The following SEMA4F variants were observed in gnomAD, a reference collection of about 807,000 sequenced individuals.
SEMA4F encodes the protein ssemaphorin 4F.
In SEMA4F, 51 loss-of-function variants were observed where a neutral mutation model predicts 78.4. The observed-to-expected ratio is 0.65, with a 90% CI of 0.52 to 0.82. The LOEUF is 0.82. Among genes scored for constraint, SEMA4F ranks in the 40% least tolerant of loss-of-function variants. The pLI, the probability that SEMA4F is intolerant of heterozygous loss-of-function variation, is 0.00. For missense variants in SEMA4F, 938 were observed against 1,014.4 expected (o/e 0.92, Z 1.02); for synonymous variants, 418 against 408.7 (o/e 1.02, Z -0.27).
At chr2:74,702,478 G>A in the SEMA4F span, among the ~76,000 whole-genome samples, 1 of 152,122 alleles carries the variant, frequency 6.6e-6, no homozygotes, top group East Asian at 1.9e-4. Flanking sequence ...TAGTTCTTTT[G>A]TTAGTATGGA....
At chr2:74,659,985 T>C (rs1352831607) in intron 4 of SEMA4F, among the ~76,000 whole-genome samples, 4 of 152,204 alleles carry the variant, frequency 2.6e-5, no homozygotes, top group Non-Finnish European at 5.9e-5. Context: ...AATATCCTAA[T>C]TTGTTTTGTT....
the SEMA4F span, among the ~76,000 whole-genome samples, chr2:74,692,644 T>TAG: frequency 6.6e-6 from 1 of 152,164 alleles, no homozygotes; most frequent in Admixed American, 6.5e-5. Context: ...AGGATAGGGC[T>TAG]AGGACTGGGT....
intron 4 of SEMA4F, among the ~76,000 whole-genome samples, chr2:74,661,240 C>A (rs1684408514): frequency 6.6e-6 from 1 of 152,158 alleles, no homozygotes; most frequent in Non-Finnish European, 1.5e-5. Context: ...AACAGGTGAT[C>A]TGGTTTGGAT....
chr2:74,672,574 C>T (rs537567423), intron 5 of SEMA4F, among the ~76,000 whole-genome samples: 105 of 152,182 alleles, frequency 6.9e-4, no homozygotes, highest in Non-Finnish European at 1.1e-3. Flanking sequence ...TGGTACTACT[C>T]TCTGATTCAT....
In SEMA4F at chr2:74,657,480, T is replaced by C. The variant is rs902213175; in HGVS notation, c.298-85T>C. 4 of 1,325,222 alleles carry C rather than the reference T, an allele frequency of 3.0e-6. No homozygotes were observed. The Admixed American group carries it at 6.8e-5, about 23-fold the overall frequency. The allele number at this position is 1,325,222 out of a possible 1,614,324, so 82.1% of individuals were successfully genotyped here. A position where few individuals can be genotyped will look rare whatever the true frequency, so the allele number is the denominator to read the frequency against. The stretch of plus-strand genomic sequence containing the variant: ...TTTGAAGTTCCCAAATTGATGGAGG[T>C]TATAGAACAGTTTAATCTCCTCTAA... On this transcript the variant is annotated intron_variant, in intron 2 of 13. Transcript: ENST00000357877.
Position 74,676,869 on chromosome 2 carries a change from T to C in SEMA4F, c.1643+960T>C, listed in dbSNP as rs115671420. Among the ~76,000 whole-genome samples, 524 of 152,308 alleles carry C rather than the reference T, an allele frequency of 3.4e-3. 4 individuals carry two copies. Among genetic ancestry groups the C allele is most frequent in the African/African-American group, 0.012 (502 of 41,558 alleles). Reference sequence around the variant, plus strand: ...ATCATATTCATCTTAAATATTTCAATATGTATCTCTACTAGATAAGGAGTT... The same window carrying C: ...ATCATATTCATCTTAAATATTTCAACATGTATCTCTACTAGATAAGGAGTT... On this transcript the variant is annotated intron_variant, in intron 12 of 13. Coordinates refer to ENST00000357877, the MANE Select transcript of SEMA4F (RefSeq NM_004263.5).
chr2:74,669,862 T>C (rs1325591660), intron 5 of SEMA4F, among the ~76,000 whole-genome samples: 2 of 152,212 alleles, frequency 1.3e-5, no homozygotes, highest in African/African-American at 2.4e-5. Context: ...GTCTTTTTTT[T>C]TGTATTTTCA....
chr2:74,672,418 T>G (rs1012129587), intron 5 of SEMA4F, among the ~76,000 whole-genome samples: 9 of 152,242 alleles, frequency 5.9e-5, no homozygotes, highest in African/African-American at 2.2e-4. Context: ...CACACTTGTC[T>G]TCCTGACTCA....
chr2:74,667,695 T>C (rs1684767243), intron 5 of SEMA4F, among the ~76,000 whole-genome samples: 1 of 152,208 alleles, frequency 6.6e-6, no homozygotes, highest in Non-Finnish European at 1.5e-5. Flanking sequence ...AATATGAATA[T>C]TTTGACATTC....
chr2:74,693,507 C>A, the SEMA4F span, among the ~76,000 whole-genome samples: 1 of 152,142 alleles, frequency 6.6e-6, no homozygotes. Flanking sequence ...TTATATTTTT[C>A]TTTTAAGAGG....
the SEMA4F span, among the ~76,000 whole-genome samples, chr2:74,708,132 GA>G: frequency 4.6e-3 from 677 of 148,508 alleles, 4 homozygotes; most frequent in African/African-American, 0.016. Flanking sequence ...CAGCACCCTT[GA>G]AAAAAAAAAT....
chr2:74,698,289 G>T, the SEMA4F span, among the ~76,000 whole-genome samples: 1 of 152,214 alleles, frequency 6.6e-6, no homozygotes, highest in Non-Finnish European at 1.5e-5. Flanking sequence ...TCATAAGAAG[G>T]TTTTAAATGG....
Position 74,679,989 on chromosome 2 carries a change from TG to T in SEMA4F, c.2096del (p.Gly699AlafsTer59), listed in dbSNP as rs1158843358. The T allele has an allele frequency of 6.2e-7, 1 of 1,614,036 alleles. No homozygotes were observed. Among genetic ancestry groups the T allele is most frequent in the African/African-American group, 1.3e-5 (1 of 74,926 alleles). On this transcript the variant is annotated frameshift_variant, in exon 14 of 14. Coordinates refer to ENST00000357877, the MANE Select transcript of SEMA4F (RefSeq NM_004263.5). LOFTEE classifies it high-confidence loss of function. ...AGGGAACTTCTGGCTAGAGACAAGG[TG>T]GGCCTGGACCTGGGGGCTCCACCTT... ...RQRELLARDK[V>X]GLDLGAPPSG...
intron 12 of SEMA4F, among the ~76,000 whole-genome samples, chr2:74,677,360 T>G (rs1685349616): frequency 6.6e-6 from 1 of 152,234 alleles, no homozygotes; most frequent in Non-Finnish European, 1.5e-5. Context: ...TCCCAACTAC[T>G]TTGATGCAAA....
chr2:74,692,972 C>G, the SEMA4F span, among the ~76,000 whole-genome samples: 1 of 152,198 alleles, frequency 6.6e-6, no homozygotes, highest in East Asian at 1.9e-4. Context: ...GCATTTAGGA[C>G]ATGCTGAAAA....
At chr2:74,670,709 G>A (rs1342193643) in intron 5 of SEMA4F, among the ~76,000 whole-genome samples, 1 of 152,222 alleles carries the variant, frequency 6.6e-6, no homozygotes, top group Non-Finnish European at 1.5e-5. Flanking sequence ...AGCATTTAAT[G>A]TGTCATGCTC....
the SEMA4F span, among the ~76,000 whole-genome samples, chr2:74,707,303 C>A: frequency 6.6e-6 from 1 of 152,146 alleles, no homozygotes; most frequent in African/African-American, 2.4e-5. Flanking sequence ...TGTCAGCAAC[C>A]TATTCTTAAA....
chr2:74,703,538 G>T, the SEMA4F span, among the ~76,000 whole-genome samples: 3,981 of 152,292 alleles, frequency 0.026, 163 homozygotes, highest in African/African-American at 0.091. Context: ...GAAGCAGCTT[G>T]TGTTGCAATG....
At chr2:74,691,264 A>C in the SEMA4F span, among the ~76,000 whole-genome samples, 1 of 152,242 alleles carries the variant, frequency 6.6e-6, no homozygotes, top group Non-Finnish European at 1.5e-5. Context: ...TGAGAACTGC[A>C]GTACAAATTA....
Sources: allele counts gnomAD v4.1 joint callset (sites outside exome capture counted in the v4.1 genomes callset), GRCh38; gene constraint gnomAD v4.1.1; transcripts MANE v1.5; gene names NCBI Gene and HGNC (gene_info 2026-07-23, HGNC 2026-07-21).